TTLL8: variants seen among roughly 807,000 people sequenced by gnomAD.
TTLL8 encodes the protein tubulin tyrosine ligase like 8.
TTLL8 carries 65 observed loss-of-function variants against 77.8 expected under a neutral mutation model. The observed-to-expected ratio is 0.84, with a 90% CI of 0.68 to 1.03. The LOEUF (loss-of-function observed/expected upper bound fraction) is 1.03, where lower values mean the gene tolerates loss of function less well. Ranked by LOEUF, TTLL8 falls within the 50% of genes least tolerant of loss-of-function variation. The probability of loss-of-function intolerance (pLI) is 0.00; values close to 1 mark genes in which losing one functional copy is unlikely to be tolerated. For synonymous variants in TTLL8, 402 were observed against 422.8 expected (o/e 0.95, Z 0.60); for missense variants, 910 against 1,004.5 (o/e 0.91, Z 1.27).
intron 2 of TTLL8, 129 bp from the exon 5 acceptor site, chr22:50,049,451 C>A: frequency 2.0e-6 from 2 of 1,001,182 alleles, no homozygotes; most frequent in South Asian, 2.8e-5. Context: ...ATGGGGCCTT[C>A]CCCTGGTGGA....
Position 50,034,437 on chromosome 22 carries a change from G to A in TTLL8, c.947C>T (p.Thr316Met), listed in dbSNP as rs766411789. Residue 316 changes from threonine (T) to methionine (M), a missense_variant, in exon 9 of 14, where the codon ACG (threonine) becomes ATG (methionine). This residue lies in a region of TTLL8 where 776 missense variants were observed against 926.1 expected (regional missense o/e 0.84). Transcript: ENST00000266182. The surrounding 1 kb of genome is among the most constrained non-coding windows in gnomAD (Gnocchi z 4.1). ...AATGTCCGTCTGAGGGTTCACAGACGTGATTCTATTCAGCAGAGCCTGGCA... is the reference window on the plus strand; with the variant it reads ...AATGTCCGTCTGAGGGTTCACAGACATGATTCTATTCAGCAGAGCCTGGCA... 74 of 1,367,288 alleles carry A rather than the reference G, an allele frequency of 5.4e-5. 1 individual carries two copies. In the East Asian group the frequency reaches 7.3e-4, roughly 13 times the overall value. 84.7% of individuals were successfully genotyped at this position (1,367,288 alleles called of 1,614,324 possible).
chr22:50,033,375 G>C (rs749190644), exon 10 of TTLL8: 1 of 1,365,310 alleles, frequency 7.3e-7, no homozygotes. Flanking sequence ...CCCACTTGTT[G>C]TCCCTGGAAA....
At chr22:50,049,998 C>T in intron 2 of TTLL8, 111 bp downstream of exon 4, 2 of 1,222,972 alleles carry the variant, frequency 1.6e-6, no homozygotes, top group South Asian at 2.8e-5. Flanking sequence ...GATACCCCAT[C>T]ACGCACACCA....
intron 1 of TTLL8, among the ~76,000 whole-genome samples, chr22:50,050,462 C>G (rs1456789311): frequency 6.6e-6 from 1 of 151,592 alleles, no homozygotes; most frequent in African/African-American, 2.4e-5. Context: ...AACCTGTCTT[C>G]CAGGTTCAAG....
chr22:50,046,772 G>A (rs536518773), intron 4 of TTLL8, among the ~76,000 whole-genome samples: 1 of 152,354 alleles, frequency 6.6e-6, no homozygotes, highest in Non-Finnish European at 1.5e-5. Flanking sequence ...GGAAGGGTGT[G>A]GCAAGCTGCT....
In TTLL8 at chr22:50,034,348, G is replaced by T; in HGVS notation, c.1036C>A (p.Pro346Thr). Residue 346 changes from proline (P) to threonine (T), a missense_variant, in exon 9 of 14, where the codon CCT becomes ACT. Pro to Thr is a conservative substitution (Grantham distance 38). Around this residue, in one of 2 missense-constraint regions of TTLL8, gnomAD observed 776 missense variants for 926.1 expected, o/e 0.84. Coordinates refer to ENST00000266182, the Ensembl canonical transcript of TTLL8. This position sits in a 1 kb window ranked among gnomAD's most constrained non-coding sequence, Gnocchi z 4.1. ...GCGGTGCAGGGAGCATCCGCACCAG[G>T]GGACTCACCTCGGCCCCGGGACTTG... The T allele has an allele frequency of 7.3e-7, 1 of 1,365,274 alleles. No individual in the cohort carries two copies. The highest frequency in any genetic ancestry group is 9.8e-7 in the Non-Finnish European group (1 of 1,021,526). The allele number at this position is 1,365,274 out of a possible 1,614,324, so 84.6% of individuals were successfully genotyped here.
intron 3 of TTLL8, 97 bp downstream of exon 5, chr22:50,049,152 T>TC: frequency 7.5e-7 from 1 of 1,335,520 alleles, no homozygotes; most frequent in East Asian, 4.6e-5. Flanking sequence ...CGGGCTGCCA[T>TC]CCCCCCAGGA....
chr22:50,047,768 G>A (rs554453211), intron 3 of TTLL8, among the ~76,000 whole-genome samples: 1 of 152,324 alleles, frequency 6.6e-6, no homozygotes, highest in Admixed American at 6.5e-5. Flanking sequence ...TGTTGTTGGT[G>A]CTTTTCTGTT....
chr22:50,022,537 T>TTCCTCCATCTGACAATGTGCAC (rs2061210765), intron 12 of TTLL8, among the ~76,000 whole-genome samples: 1 of 136,082 alleles, frequency 7.3e-6, no homozygotes, highest in Non-Finnish European at 1.6e-5. Flanking sequence ...CTGACATGCA[T>TTCCTCCATCTGACAATGTGCAC]TCCTCCATCT....
At chr22:50,030,704 C>T (rs770155892) in exon 12 of TTLL8, 3 of 1,294,950 alleles carry the variant, frequency 2.3e-6, no homozygotes, top group Non-Finnish European at 2.0e-6. Context: ...GGAGCCCCTT[C>T]TCTTCCTTCA....
chr22:50,026,551 C>T (rs893888224), intron 12 of TTLL8, among the ~76,000 whole-genome samples: 3 of 152,226 alleles, frequency 2.0e-5, no homozygotes, highest in Admixed American at 6.5e-5. Flanking sequence ...GACATGGAAG[C>T]GCAGACCGTG....
chr22:50,022,060 TACTCCTCCATCTGACGACATGC>T (rs1569218361), intron 12 of TTLL8, among the ~76,000 whole-genome samples: 1 of 115,416 alleles, frequency 8.7e-6, no homozygotes, highest in Non-Finnish European at 1.7e-5. Context: ...TGATGATGTG[TACTCCTCCATCTGACGACATGC>T]ACTCCTCCAT....
intron 8 of TTLL8, among the ~76,000 whole-genome samples, chr22:50,037,587 T>C (rs1484004519): frequency 1.3e-5 from 2 of 150,184 alleles, no homozygotes; most frequent in Non-Finnish European, 2.9e-5. Flanking sequence ...TCAAGGTACA[T>C]TTTTTTTTCG....
At chr22:50,026,272 TCTGCACAGCCGCCACC>T (rs2061228994) in intron 12 of TTLL8, among the ~76,000 whole-genome samples, 1 of 151,868 alleles carries the variant, frequency 6.6e-6, no homozygotes, top group Non-Finnish European at 1.5e-5. Context: ...CACCCGCCAC[TCTGCACAGCCGCCACC>T]CTGCACAGCC....
In TTLL8 at chr22:50,044,519, C is replaced by T. The variant is rs941810534; in HGVS notation, c.643+736G>A. Among the ~76,000 whole-genome samples the T allele has an allele frequency of 1.3e-5, 2 of 152,216 alleles. No homozygotes were observed. The highest frequency in any genetic ancestry group is 2.4e-5 in the African/African-American group (1 of 41,456). ...AGCGTTCACCAATCAGGATTTATTT[C>T]CTCTGTTTCCACGTTTACCTAGAAG... On this transcript the variant is annotated intron_variant, in intron 6 of 13. Transcript: ENST00000266182. The surrounding 1 kb of genome is among the most constrained non-coding windows in gnomAD (Gnocchi z 4.2).
upstream of TTLL8, chr22:50,055,095 G>A (rs13056931): frequency 2.7e-6 from 3 of 1,125,484 alleles, no homozygotes; most frequent in Non-Finnish European, 3.4e-6. Flanking sequence ...AAGGTAACAT[G>A]AGCCAAGTCC....
chr22:50,056,521 G>C (rs1276137290), upstream of TTLL8, among the ~76,000 whole-genome samples: 1 of 152,146 alleles, frequency 6.6e-6, no homozygotes, highest in Admixed American at 6.5e-5. This position sits in a 1 kb window ranked among gnomAD's most constrained non-coding sequence, Gnocchi z 4.1. Flanking sequence ...ATTTACCCAC[G>C]CAACGAAGAC....
intron 10 of TTLL8, 92 bp from the exon 12 acceptor site, chr22:50,032,201 C>G (rs949595646): frequency 8.0e-7 from 1 of 1,254,698 alleles, no homozygotes; most frequent in Non-Finnish European, 1.0e-6. Context: ...GCCCACCCAG[C>G]TGGCTCTAGA....
chr22:50,049,383 G>A, intron 2 of TTLL8, 61 bp from the exon 5 acceptor site: 1 of 1,361,476 alleles, frequency 7.3e-7, no homozygotes, highest in Non-Finnish European at 9.8e-7. Flanking sequence ...CCCGCACCGG[G>A]TCCGTTACCA....
Sources: gnomAD v4.1 joint callset for allele counts (sites outside exome capture counted in the v4.1 genomes callset) on GRCh38, gnomAD v4.1.1 for gene constraint, gnomAD v4.1.1 regional missense constraint, Gnocchi (gnomAD v3.1) non-coding constraint, MANE v1.5 for transcripts, NCBI Gene and HGNC (gene_info 2026-07-23, HGNC 2026-07-21) for gene names.